TM7SF3: variants seen among roughly 807,000 people sequenced by gnomAD.
The protein encoded by TM7SF3 is seven span transmembrane protein.
In TM7SF3, 60 loss-of-function variants were observed where a neutral mutation model predicts 65.5. That is an observed-to-expected ratio of 0.92 (90% CI 0.74 to 1.14). The LOEUF is 1.14. Among genes scored for constraint, TM7SF3 ranks in the 50% most tolerant of loss-of-function variants. The probability of loss-of-function intolerance (pLI) is 0.00; values close to 1 mark genes in which losing one functional copy is unlikely to be tolerated. For missense variants in TM7SF3, 623 were observed against 684.8 expected (o/e 0.91, Z 1.01); for synonymous variants, 264 against 259.6 (o/e 1.02, Z -0.16).
At position 26,973,210 on chromosome 12, in the gene TM7SF3, CTG is replaced by C. The variant is rs1381452937; in HGVS notation, c.*753_*754del. The C allele has an allele frequency of 6.7e-6, 1 of 149,678 alleles. No individual in the cohort carries two copies. The highest frequency in any genetic ancestry group is 2.5e-5 in the African/African-American group (1 of 40,546). 9.3% of individuals were successfully genotyped at this position (149,678 alleles called of 1,614,324 possible). On this transcript the variant is annotated 3_prime_UTR_variant, in exon 12 of 12. Transcript: ENST00000343028. ...TTTTTAATTTCTCGAGACAGGGTCT[CTG>C]TCACCCAAGCTGGAGTGCAGTGACA...
chr12:26,990,387 A>G, intron 6 of TM7SF3, 63 bp downstream of exon 6: 3 of 1,253,748 alleles, frequency 2.4e-6, no homozygotes, highest in South Asian at 2.6e-5. Flanking sequence ...AATGAGAACT[A>G]GACAAAAGCA....
chr12:26,982,747 A>G, intron 7 of TM7SF3, 26 bp downstream of exon 7: 1 of 1,544,038 alleles, frequency 6.5e-7, no homozygotes, highest in Non-Finnish European at 8.8e-7. Context: ...GCAAAATGGA[A>G]ATAGCAACTA....
intron 5 of TM7SF3, among the ~76,000 whole-genome samples, chr12:26,991,032 C>G (rs1043010896): frequency 6.6e-6 from 1 of 151,966 alleles, no homozygotes; most frequent in African/African-American, 2.4e-5. Context: ...TAGCCACAGA[C>G]TAACGCAGAC....
chr12:27,006,722 A>C (rs1187956173), intron 1 of TM7SF3, among the ~76,000 whole-genome samples: 3 of 152,216 alleles, frequency 2.0e-5, no homozygotes, highest in African/African-American at 7.2e-5. Context: ...AAAAGATATA[A>C]ATATGTTTGA....
chr12:27,007,951 A>G (rs1941101447), intron 1 of TM7SF3, among the ~76,000 whole-genome samples: 1 of 152,180 alleles, frequency 6.6e-6, no homozygotes. Flanking sequence ...ATAACATGCC[A>G]CAATTATCTG....
At chr12:26,975,780 C>T in intron 10 of TM7SF3, 122 bp from the exon 11 acceptor site, 1 of 1,056,212 alleles carries the variant, frequency 9.5e-7, no homozygotes, top group African/African-American at 1.6e-5. Context: ...AAGGACCAGA[C>T]CCACTCAGAG....
rs767803271 is a variant in TM7SF3 at position 26,996,811 on chromosome 12, T to C, written c.449A>G (p.Asn150Ser). 1 of 1,613,594 alleles carries C rather than the reference T, an allele frequency of 6.2e-7. No homozygotes were observed. Among genetic ancestry groups the C allele is most frequent in the Admixed American group, 1.7e-5 (1 of 59,938 alleles). The change falls in exon 4 of 12, where the codon AAC becomes AGC. Residue 150 changes from asparagine to serine, a missense_variant. Physicochemically the swap from Asn to Ser is conservative, Grantham distance 46. Transcript: ENST00000343028. ...AAAGAAATTATACTCCAAGTAAATG[T>C]TGGGATCAATATCTAAATCGAACTC... ...NLEFDLDIDP[N>S]IYLEYNFFET... is the part of the protein sequence containing the mutation.
chr12:27,013,670 AT>A (rs1189067778), intron 1 of TM7SF3, among the ~76,000 whole-genome samples: 1 of 152,154 alleles, frequency 6.6e-6, no homozygotes, highest in African/African-American at 2.4e-5. Context: ...TAAAAATTCC[AT>A]GCAGCTTGAG....
chr12:26,989,666 AAT>A (rs535707323), intron 6 of TM7SF3, among the ~76,000 whole-genome samples: 10 of 136,758 alleles, frequency 7.3e-5, no homozygotes, highest in East Asian at 2.3e-4. Context: ...TAAACTGCTA[AAT>A]ACACACACAC....
chr12:26,996,918 A>G lies in TM7SF3; in HGVS notation c.398-56T>C, dbSNP rs1221067993. On this transcript the variant is annotated intron_variant, in intron 3 of 11. Coordinates refer to ENST00000343028, the MANE Select transcript of TM7SF3 (RefSeq NM_016551.3). The stretch of plus-strand genomic sequence containing the variant: ...AACAATTCCTACATATCCAAATCAT[A>G]CTCAGAAAAACAGAACTCTATCTAC... The G allele has an allele frequency of 2.6e-6, 4 of 1,538,718 alleles. No homozygotes were observed. In the African/African-American group the frequency reaches 5.6e-5, roughly 22 times the overall value.
rs562553608 is a variant in TM7SF3, at chr12:27,005,492, T to G, written c.92-2102A>C. Among the ~76,000 whole-genome samples, 3 of 152,298 alleles carry G rather than the reference T, an allele frequency of 2.0e-5. No homozygotes were observed. The East Asian group carries it at 5.8e-4, about 29-fold the overall frequency. On this transcript the variant is annotated intron_variant, in intron 1 of 11. Transcript: ENST00000343028. ...ATTATTTTAGAAAATGTTCTAATAA[T>G]CCTCATGTCTATCTCCCATGACATG...
Position 26,975,653 on chromosome 12 carries a change from G to A in TM7SF3, c.1293C>T (p.Asn431=). 6.3e-7 allele frequency: 1 copy of A among 1,599,854 alleles called. No homozygotes were observed. The highest frequency in any genetic ancestry group is 8.5e-7 in the Non-Finnish European group (1 of 1,176,496). The change falls in exon 11 of 12, where the codon AAC becomes AAT. Residue 431 remains asparagine, a synonymous_variant. Transcript: ENST00000343028. ...VVFMGCLRIL[N]ILTCGVIGSY... is the part of the protein sequence containing the mutation. ...AGCCAATGACTCCACAAGTCAGTAT[G>A]TTCAGCTGTGGAAGAGTGGAAGAGT... is the stretch of plus-strand genomic sequence containing the variant.
At position 27,001,926 on chromosome 12, in the gene TM7SF3, C is replaced by T. The variant is rs189316809; in HGVS notation, c.246+1310G>A. Among the ~76,000 whole-genome samples the T allele has an allele frequency of 5.3e-5, 8 of 152,232 alleles. No homozygotes were observed. In the East Asian group the frequency reaches 1.4e-3, roughly 26 times the overall value. ...TAGCTGCAAAGAACTTGGGCAAATT[C>T]GACGTATGTGTGACATCGGTATCTC... On this transcript the variant is annotated intron_variant, in intron 2 of 11. Transcript: ENST00000343028.
At position 26,975,547 on chromosome 12, in the gene TM7SF3, G is replaced by A; in HGVS notation, c.1399C>T (p.Leu467Phe). ...AAAGCTCTGTGGAAATCCTTGTTGAGCGCTCTCTTGAGTACGTTCAAAGTG... is the reference window on the plus strand; with the variant it reads ...AAAGCTCTGTGGAAATCCTTGTTGAACGCTCTCTTGAGTACGTTCAAAGTG... The part of the protein sequence containing the change: ...YITLNVLKRA[L>F]NKDFHRAFTN... Residue 467 changes from leucine (L) to phenylalanine (F), a missense_variant, in exon 11 of 12, where the codon CTC (leucine) becomes TTC (phenylalanine). By Grantham distance (22) the Leu-to-Phe change is conservative. Transcript: ENST00000343028. 1 of 1,614,120 alleles carries A rather than the reference G, an allele frequency of 6.2e-7. No individual in the cohort carries two copies. The highest frequency in any genetic ancestry group is 8.5e-7 in the Non-Finnish European group (1 of 1,180,004).
intron 1 of TM7SF3, among the ~76,000 whole-genome samples, chr12:27,007,992 G>A (rs548974018): frequency 2.4e-4 from 36 of 152,016 alleles, no homozygotes; most frequent in African/African-American, 8.7e-4. Flanking sequence ...TGTATTTCTG[G>A]TTTAGAGTTA....
At chr12:26,990,349 T>C (rs569522051) in intron 6 of TM7SF3, 101 bp downstream of exon 6, 21 of 829,598 alleles carry the variant, frequency 2.5e-5, no homozygotes, top group Non-Finnish European at 3.9e-5. Flanking sequence ...TGGAATAACG[T>C]AGGGGCTCAA....
At chr12:27,010,187 T>C (rs1249691327) in intron 1 of TM7SF3, among the ~76,000 whole-genome samples, 1 of 152,208 alleles carries the variant, frequency 6.6e-6, no homozygotes, top group Non-Finnish European at 1.5e-5. Context: ...ATCAAACAAA[T>C]GGGAAACAAC....
At chr12:27,008,159 G>A (rs192598414) in intron 1 of TM7SF3, among the ~76,000 whole-genome samples, 76 of 151,870 alleles carry the variant, frequency 5.0e-4, no homozygotes, top group African/African-American at 1.6e-3. Flanking sequence ...AATGTATACC[G>A]CATCAACTTA....
intron 1 of TM7SF3, chr12:27,012,995 CAAA>C (rs772325397): frequency 2.7e-3 from 315 of 116,760 alleles, no homozygotes; most frequent in South Asian, 0.013. Flanking sequence ...GAGACTCCGT[CAAA>C]AAAAAAAAAA....
Sources: gnomAD v4.1 joint callset for allele counts (sites outside exome capture counted in the v4.1 genomes callset) on GRCh38, gnomAD v4.1.1 for gene constraint, MANE v1.5 for transcripts, NCBI Gene and HGNC (gene_info 2026-07-23, HGNC 2026-07-21) for gene names.